DEPDC5: variants seen among roughly 807,000 people sequenced by gnomAD.
DEPDC5 encodes DEP domain containing 5, GATOR1 subcomplex subunit.
DEPDC5 carries 73 observed loss-of-function variants against 217.3 expected under a neutral mutation model. The observed-to-expected ratio is 0.34, with a 90% CI of 0.28 to 0.41. The LOEUF is 0.41. DEPDC5 is among the 10% of genes least tolerant of loss of function. DEPDC5 has a pLI of 1.00. For missense variants in DEPDC5, 1,675 were observed against 2,070.1 expected (o/e 0.81, Z 3.70); for synonymous variants, 733 against 756.7 (o/e 0.97, Z 0.51).
intron 39 of DEPDC5, among the ~76,000 whole-genome samples, chr22:31,896,787 G>A (rs1320517380): frequency 6.6e-6 from 1 of 152,178 alleles, no homozygotes; most frequent in Non-Finnish European, 1.5e-5. Context: ...CAGCCTGAGT[G>A]AGTTGTTTTC....
At position 31,819,106 on chromosome 22, in the gene DEPDC5, T is replaced by C; in HGVS notation, c.1751T>C (p.Leu584Pro). ...RFHVGSAESM[L>P]HVRPGGYTPQ... ...CACGTTGGCAGTGCAGAATCCATGC[T>C]GCATGTTCGACCTGGTGGATACACG... is the stretch of plus-strand genomic sequence containing the variant. Residue 584 changes from leucine to proline, a missense_variant, in exon 22 of 43, where the codon CTG (leucine) becomes CCG (proline). This residue lies in a region of DEPDC5 where 628 missense variants were observed against 762.1 expected (regional missense o/e 0.82). Transcript: ENST00000651528. 6.2e-7 allele frequency: 1 copy of C among 1,614,220 alleles called. No homozygotes were observed. Among genetic ancestry groups the C allele is most frequent in the Non-Finnish European group, 8.5e-7 (1 of 1,180,028 alleles).
At chr22:31,842,967 T>G in intron 27 of DEPDC5, 128 bp from the exon 28 acceptor site, 1 of 705,850 alleles carries the variant, frequency 1.4e-6, no homozygotes. Flanking sequence ...CAAGAATAAC[T>G]TTCTTCCATG....
chr22:31,809,287 A>T (rs1170260669), intron 18 of DEPDC5, among the ~76,000 whole-genome samples: 2 of 152,176 alleles, frequency 1.3e-5, no homozygotes, highest in Non-Finnish European at 1.5e-5. Context: ...CAGTGGATTG[A>T]CCAAGAATCT....
intron 33 of DEPDC5, among the ~76,000 whole-genome samples, chr22:31,869,765 T>G (rs1816346162): frequency 6.6e-6 from 1 of 152,102 alleles, no homozygotes; most frequent in African/African-American, 2.4e-5. Context: ...CGTGATGTCC[T>G]GTGAGTCGGT....
chr22:31,823,904 T>A (rs987691212), intron 24 of DEPDC5, among the ~76,000 whole-genome samples: 3 of 152,144 alleles, frequency 2.0e-5, no homozygotes, highest in East Asian at 3.8e-4. Flanking sequence ...TAACATGAGC[T>A]TGGATCAGTA....
At chr22:31,824,621 G>C (rs1256159797) in intron 24 of DEPDC5, among the ~76,000 whole-genome samples, 1 of 152,052 alleles carries the variant, frequency 6.6e-6, no homozygotes, top group Non-Finnish European at 1.5e-5. Flanking sequence ...GAAAGACACT[G>C]TGCCCCTCTG....
intron 38 of DEPDC5, among the ~76,000 whole-genome samples, chr22:31,887,892 A>G (rs1056294802): frequency 6.6e-6 from 1 of 152,040 alleles, no homozygotes; most frequent in Non-Finnish European, 1.5e-5. Context: ...AGCTGTATTC[A>G]TTGTTTGGGT....
At chr22:31,760,504 G>A in intron 3 of DEPDC5, 152 bp from the exon 4 acceptor site, 2 of 654,792 alleles carry the variant, frequency 3.1e-6, no homozygotes, top group African/African-American at 1.8e-5. Flanking sequence ...GCACCTGGCC[G>A]AGTTTCTTTG....
In DEPDC5 at chr22:31,851,441, T is replaced by C. The variant is rs539951571; in HGVS notation, c.3155+4474T>C. Among the ~76,000 whole-genome samples, 6 of 152,252 alleles carry C rather than the reference T, an allele frequency of 3.9e-5. No individual in the cohort carries two copies. In the East Asian group the frequency reaches 1.2e-3, roughly 29 times the overall value. On this transcript the variant is annotated intron_variant, in intron 31 of 42. Transcript: ENST00000651528. ...TGCCTTGGGCTGCCTTCCCTGCCCC[T>C]CTCCACCTCACAGCTAGATCAGGTT...
chr22:31,784,672 C>G, intron 9 of DEPDC5, 142 bp from the exon 10 acceptor site: 26 of 586,650 alleles, frequency 4.4e-5, no homozygotes, highest in Non-Finnish European at 5.3e-5. Context: ...GGTCCCCTTT[C>G]TTATAGAAGA....
intron 37 of DEPDC5, among the ~76,000 whole-genome samples, chr22:31,877,911 G>A (rs1226965376): frequency 6.6e-6 from 1 of 152,062 alleles, no homozygotes; most frequent in African/African-American, 2.4e-5. Flanking sequence ...AACATGGCCG[G>A]GAGCGGTGGC....
chr22:31,783,860 A>C, intron 8 of DEPDC5, 47 bp from the exon 9 acceptor site: 1 of 1,539,206 alleles, frequency 6.5e-7, no homozygotes, highest in Non-Finnish European at 8.9e-7. Flanking sequence ...ATAGAACTGA[A>C]ACTGTATATG....
chr22:31,906,101 C>A lies in DEPDC5; in HGVS notation c.4519+35C>A, dbSNP rs994209873. 1.2e-6 allele frequency: 2 copies of A among 1,613,584 alleles called. No homozygotes were observed. The highest frequency in any genetic ancestry group is 2.7e-5 in the African/African-American group (2 of 74,920). ...TACGGGCAGAGTTGGGCAGGTGGGTCCACATCCCTTTCCTTGCACCAAGCC... is the reference window on the plus strand; with the variant it reads ...TACGGGCAGAGTTGGGCAGGTGGGTACACATCCCTTTCCTTGCACCAAGCC... On this transcript the variant is annotated intron_variant, in intron 42 of 42. Transcript: ENST00000651528. This position sits in a 1 kb window ranked among gnomAD's most constrained non-coding sequence, Gnocchi z 5.1.
In DEPDC5 at chr22:31,833,697, C is replaced by A. The variant is rs967105774; in HGVS notation, c.2105-218C>A. 2.0e-5 allele frequency among the ~76,000 whole-genome samples: 3 copies of A among 152,160 alleles called. No homozygotes were observed. The South Asian group carries it at 6.2e-4, about 31-fold the overall frequency. ...TGATCTCTTTTAGCAAAGAATGATACCAGTAACCTCAGAGTAAAGTTCTGG... is the reference window on the plus strand; with the variant it reads ...TGATCTCTTTTAGCAAAGAATGATAACAGTAACCTCAGAGTAAAGTTCTGG... On this transcript the variant is annotated intron_variant, in intron 24 of 42. Transcript: ENST00000651528.
intron 24 of DEPDC5, among the ~76,000 whole-genome samples, chr22:31,832,380 T>G (rs1197932170): frequency 6.6e-6 from 1 of 152,250 alleles, no homozygotes; most frequent in Non-Finnish European, 1.5e-5. Context: ...CAACAATGTG[T>G]AAGGCTTCCT....
chr22:31,903,447 A>ACC (rs1299444089), intron 41 of DEPDC5, among the ~76,000 whole-genome samples: 1 of 2,264 alleles, frequency 4.4e-4, no homozygotes. Context: ...CCACACCTAA[A>ACC]CCCCCCACCT....
At chr22:31,776,935 T>C (rs1376336932) in intron 7 of DEPDC5, among the ~76,000 whole-genome samples, 2 of 151,826 alleles carry the variant, frequency 1.3e-5, no homozygotes, top group Non-Finnish European at 2.9e-5. Flanking sequence ...TTCCCAAAAA[T>C]GTAATACCAA....
intron 38 of DEPDC5, among the ~76,000 whole-genome samples, chr22:31,884,281 G>T (rs1032599159): frequency 6.6e-6 from 1 of 152,236 alleles, no homozygotes; most frequent in East Asian, 1.9e-4. Context: ...TAGCACTTTG[G>T]CAGTCATCCC....
At chr22:31,857,701 G>A in intron 32 of DEPDC5, 148 bp downstream of exon 32, 1 of 558,786 alleles carries the variant, frequency 1.8e-6, no homozygotes, top group South Asian at 2.8e-5. Context: ...TTCTATTACT[G>A]TTACTACTTT....
Sources: allele counts gnomAD v4.1 joint callset (sites outside exome capture counted in the v4.1 genomes callset), GRCh38; gene constraint gnomAD v4.1.1; regional missense constraint gnomAD v4.1.1; non-coding constraint Gnocchi (gnomAD v3.1); transcripts MANE v1.5; gene names NCBI Gene and HGNC (gene_info 2026-07-23, HGNC 2026-07-21).